The following NDUFV3 variants were observed in gnomAD, a reference collection of about 807,000 sequenced individuals.
NDUFV3 encodes the protein NADH dehydrogenase [ubiquinone] flavoprotein 3, mitochondrial.
NDUFV3 carries 44 observed loss-of-function variants against 37.5 expected under a neutral mutation model. That is an observed-to-expected ratio of 1.17 (90% CI 0.92 to 1.51). The LOEUF (loss-of-function observed/expected upper bound fraction) is 1.51. NDUFV3 is among the 40% of genes most tolerant of loss of function. NDUFV3 has a pLI of 0.00. For synonymous variants in NDUFV3, 235 were observed against 239.3 expected (o/e 0.98, Z 0.17); for missense variants, 580 against 580.4 (o/e 1.00, Z 0.01).
At chr21:42,907,130 TTG>T (rs1288356898) in intron 3 of NDUFV3, among the ~76,000 whole-genome samples, 1 of 152,182 alleles carries the variant, frequency 6.6e-6, no homozygotes, top group African/African-American at 2.4e-5. Flanking sequence ...TTATGTTATA[TTG>T]TGTGTCCTGC....
At position 42,908,854 on chromosome 21, in the gene NDUFV3, T is replaced by G. The variant is rs772187670; in HGVS notation, c.1265-10T>G. 6.2e-7 allele frequency: 1 copy of G among 1,614,118 alleles called. No individual in the cohort carries two copies. Among genetic ancestry groups the G allele is most frequent in the Non-Finnish European group, 8.5e-7 (1 of 1,180,020 alleles). ...GTGTTGGTCTCATGGGCATCGTGTT[T>G]CCTCCGCAGAGCCAGCCCCAGTGCC... is the stretch of plus-strand genomic sequence containing the variant. On this transcript the variant is annotated splice_polypyrimidine_tract_variant and intron_variant, in intron 3 of 3. Transcript: ENST00000354250.
chr21:42,900,391 C>A lies in NDUFV3; in HGVS notation c.170-2791C>A, dbSNP rs567110699. Among the ~76,000 whole-genome samples the A allele has an allele frequency of 1.7e-4, 25 of 151,172 alleles. 1 individual carries two copies. In the South Asian group the frequency reaches 5.0e-3, roughly 30 times the overall value. On this transcript the variant is annotated intron_variant, in intron 2 of 3. Transcript: ENST00000354250. ...GGTGGCGGACGCCTGTAATCCCAGT[C>A]GCTCAGGAGGCTGAGGCAGGAGAAT...
intron 1 of NDUFV3, among the ~76,000 whole-genome samples, chr21:42,896,725 G>C (rs1232034687): frequency 1.3e-5 from 2 of 152,086 alleles, no homozygotes; most frequent in Non-Finnish European, 2.9e-5. Flanking sequence ...GGTAGTATGT[G>C]CCTGTAGTCC....
intron 1 of NDUFV3, among the ~76,000 whole-genome samples, chr21:42,894,593 C>A (rs1487573700): frequency 7.8e-6 from 1 of 128,038 alleles, no homozygotes; most frequent in Admixed American, 9.7e-5. Flanking sequence ...CACTCTGTTG[C>A]CCAGGCCCAG....
At chr21:42,907,627 C>G (rs1382483202) in intron 3 of NDUFV3, among the ~76,000 whole-genome samples, 2 of 151,980 alleles carry the variant, frequency 1.3e-5, no homozygotes, top group Admixed American at 1.3e-4. Flanking sequence ...ACTTTTGTAA[C>G]TTTAGTGGAG....
Position 42,912,646 on chromosome 21 carries a change from A to C in NDUFV3, c.*3625A>C, listed in dbSNP as rs2058775156. On this transcript the variant is annotated 3_prime_UTR_variant, in exon 4 of 4. Coordinates refer to ENST00000354250, the MANE Select transcript of NDUFV3 (RefSeq NM_021075.4). ...GGTGGCTCACGCCTGTAATCCCAGCACTTTGGGAGGCTGAGGTGGGCAGAT... is the reference window on the plus strand; with the variant it reads ...GGTGGCTCACGCCTGTAATCCCAGCCCTTTGGGAGGCTGAGGTGGGCAGAT... The C allele has an allele frequency of 6.6e-6, 1 of 152,186 alleles. No homozygotes were observed. Among genetic ancestry groups the C allele is most frequent in the Non-Finnish European group, 1.5e-5 (1 of 68,178 alleles). The allele number at this position is 152,186 out of a possible 1,614,324, so 9.4% of individuals were successfully genotyped here. A position where few individuals can be genotyped will look rare whatever the true frequency, so the allele number is the denominator to read the frequency against.
At chr21:42,900,215 A>G (rs916684883) in intron 2 of NDUFV3, among the ~76,000 whole-genome samples, 12 of 151,990 alleles carry the variant, frequency 7.9e-5, no homozygotes, top group Non-Finnish European at 4.4e-5. Context: ...AAAAATAAAT[A>G]CTGAGTCTGG....
Position 42,910,404 on chromosome 21 carries a change from G to C in NDUFV3, c.*1383G>C, listed in dbSNP as rs1209372977. The C allele has an allele frequency of 6.6e-6, 1 of 152,368 alleles. No homozygotes were observed. The highest frequency in any genetic ancestry group is 2.4e-5 in the African/African-American group (1 of 41,452). 9.4% of individuals were successfully genotyped at this position (152,368 alleles called of 1,614,324 possible). A position where few individuals can be genotyped will look rare whatever the true frequency, so the allele number is the denominator to read the frequency against. Reference sequence around the variant, plus strand: ...ATTGCAGTATTTTACCATCAGAAAAGGAAGGGAATTGTTTTGTTTGCCTCT... The same window carrying C: ...ATTGCAGTATTTTACCATCAGAAAACGAAGGGAATTGTTTTGTTTGCCTCT... On this transcript the variant is annotated 3_prime_UTR_variant, in exon 4 of 4. Coordinates refer to ENST00000354250, the MANE Select transcript of NDUFV3 (RefSeq NM_021075.4).
Position 42,906,666 on chromosome 21 carries a change from G to A in NDUFV3, c.1265-2198G>A, listed in dbSNP as rs4148975. ...TCTTAACTATCTTCTGTGCGCATGC[G>A]CAGAGCCCACCTTGCAGAGCCGTGT... On this transcript the variant is annotated intron_variant, in intron 3 of 3. Transcript: ENST00000354250. Among the ~76,000 whole-genome samples, 278 of 152,326 alleles carry A rather than the reference G, an allele frequency of 1.8e-3. 3 individuals carry two copies. The East Asian group carries it at 0.025, about 14-fold the overall frequency.
At chr21:42,899,968 C>T (rs541148727) in intron 2 of NDUFV3, among the ~76,000 whole-genome samples, 18 of 152,266 alleles carry the variant, frequency 1.2e-4, no homozygotes, top group Non-Finnish European at 2.1e-4. Flanking sequence ...GAAGCTGAGG[C>T]GGGAGGATCA....
chr21:42,903,706 TC>T lies in NDUFV3; in HGVS notation c.698del (p.Pro233LeufsTer22). On this transcript the variant is annotated frameshift_variant, in exon 3 of 4. Transcript: ENST00000354250. LOFTEE classifies it high-confidence loss of function. ...GCCCCACCAGCCAAAGAAGAAAGGG[TC>T]CCCTGCTAAGCCATCAGAAGGCAGG... ...EKPHQPKKKG[S>X]PAKPSEGREN... is the part of the protein sequence containing the mutation. 6.2e-7 allele frequency: 1 copy of T among 1,613,744 alleles called. No homozygotes were observed. Among genetic ancestry groups the T allele is most frequent in the South Asian group, 1.1e-5 (1 of 91,060 alleles).
In NDUFV3 at chr21:42,897,341, A is replaced by G. The variant is rs542810556; in HGVS notation, c.169+294A>G. Among the ~76,000 whole-genome samples, 11 of 152,368 alleles carry G rather than the reference A, an allele frequency of 7.2e-5. No individual in the cohort carries two copies. The South Asian group carries it at 2.1e-3, about 29-fold the overall frequency. On this transcript the variant is annotated intron_variant, in intron 2 of 3. Coordinates refer to ENST00000354250, the MANE Select transcript of NDUFV3 (RefSeq NM_021075.4). ...CCTTGGTAAAGGCTCTGTGGCATTT[A>G]GATGGCCCCGGCACAGTGAGCTTGC...
chr21:42,903,485 G>C lies in NDUFV3; in HGVS notation c.473G>C (p.Ser158Thr). 2.5e-6 allele frequency: 4 copies of C among 1,614,058 alleles called. No individual in the cohort carries two copies. The highest frequency in any genetic ancestry group is 3.4e-6 in the Non-Finnish European group (4 of 1,179,936). Residue 158 changes from serine (S) to threonine (T), a missense_variant, in exon 3 of 4, where the codon AGC (serine) becomes ACC (threonine). Transcript: ENST00000354250. The stretch of plus-strand genomic sequence containing the variant: ...TCGCCTTCGTCTTCATCCTCTTCCA[G>C]CTCCTCTGATTCTGAATCTGATGAT... The part of the protein sequence containing the change: ...VTSPSSSSSS[S>T]SSDSESDDEA...
intron 2 of NDUFV3, among the ~76,000 whole-genome samples, chr21:42,898,356 C>G (rs1006458206): frequency 8.5e-5 from 13 of 152,204 alleles, no homozygotes; most frequent in African/African-American, 3.1e-4. Context: ...AGTCATAGCT[C>G]ACTACAGCCT....
chr21:42,908,320 G>A (rs1219539351), intron 3 of NDUFV3, among the ~76,000 whole-genome samples: 4 of 151,532 alleles, frequency 2.6e-5, no homozygotes, highest in African/African-American at 2.4e-5. Flanking sequence ...AAAAAAAAAC[G>A]CATTGTAATA....
chr21:42,908,046 C>A (rs1436195495), intron 3 of NDUFV3, among the ~76,000 whole-genome samples: 1 of 152,036 alleles, frequency 6.6e-6, no homozygotes, highest in East Asian at 1.9e-4. Context: ...GTGGCTCACG[C>A]CTGTAATCCC....
At chr21:42,893,479 C>T in intron 1 of NDUFV3, 98 bp downstream of exon 1, 1 of 1,373,354 alleles carries the variant, frequency 7.3e-7, no homozygotes, top group Non-Finnish European at 1.0e-6. Context: ...GGCCTGTCCG[C>T]GACCTCTAGC....
chr21:42,896,829 A>G lies in NDUFV3; in HGVS notation c.49-98A>G, dbSNP rs1007930077. The G allele has an allele frequency of 4.8e-6, 6 of 1,259,458 alleles. No individual in the cohort carries two copies. In the African/African-American group the frequency reaches 6.2e-5, roughly 13 times the overall value. The allele number at this position is 1,259,458 out of a possible 1,614,324, so 78.0% of individuals were successfully genotyped here. The stretch of plus-strand genomic sequence containing the variant: ...ACTCCAGCCTGGACGACTGAGAGAG[A>G]CCCCTGACTCAAAAAATATATATAT... On this transcript the variant is annotated intron_variant, in intron 1 of 3. Coordinates refer to ENST00000354250, the MANE Select transcript of NDUFV3 (RefSeq NM_021075.4).
At position 42,894,304 on chromosome 21, in the gene NDUFV3, CGT is replaced by C. The variant is rs1376722117; in HGVS notation, c.48+930_48+931del. On this transcript the variant is annotated intron_variant, in intron 1 of 3. Coordinates refer to ENST00000354250, the MANE Select transcript of NDUFV3 (RefSeq NM_021075.4). ...AACTATTCCCTGCAGAATATATATG[CGT>C]GTGTGTATATATATATATAAATACA... Among the ~76,000 whole-genome samples, 7 of 50,654 alleles carry C rather than the reference CGT, an allele frequency of 1.4e-4. No individual in the cohort carries two copies. In the East Asian group the frequency reaches 1.6e-3, roughly 12 times the overall value. The allele number at this position is 50,654 out of a possible 152,430, so 33.2% of individuals were successfully genotyped here.
Sources: gnomAD v4.1 joint callset for allele counts (sites outside exome capture counted in the v4.1 genomes callset) on GRCh38, gnomAD v4.1.1 for gene constraint, MANE v1.5 for transcripts, NCBI Gene and HGNC (gene_info 2026-07-23, HGNC 2026-07-21) for gene names.